Variants in HGD observed in about 807,000 individuals in gnomAD.
The protein encoded by HGD is homogentisate 1,2-dioxygenase.
Under a neutral mutation model 60.8 loss-of-function variants are expected in HGD, and 61 were observed. The ratio of observed to expected loss-of-function variants is 1.00; its 90% confidence interval spans 0.82 to 1.24. HGD has a LOEUF of 1.24. HGD is among the 50% of genes most tolerant of loss of function. HGD has a pLI of 0.00. For synonymous variants in HGD, 212 were observed against 187.7 expected (o/e 1.13, Z -1.06); for missense variants, 542 against 547.1 (o/e 0.99, Z 0.09).
chr3:120,676,440 G>C (rs1471243701), intron 1 of HGD, among the ~76,000 whole-genome samples: 1 of 119,432 alleles, frequency 8.4e-6, no homozygotes, highest in Non-Finnish European at 1.7e-5. Flanking sequence ...TTTACACCCA[G>C]AGGAAAAAAA....
chr3:120,635,752 A>G (rs972141542), intron 12 of HGD, among the ~76,000 whole-genome samples: 1 of 152,192 alleles, frequency 6.6e-6, no homozygotes, highest in African/African-American at 2.4e-5. Context: ...AGAGTCATTA[A>G]AAAACTATAG....
chr3:120,668,580 G>T (rs1707953627), intron 4 of HGD, among the ~76,000 whole-genome samples: 1 of 151,792 alleles, frequency 6.6e-6, no homozygotes, highest in African/African-American at 2.4e-5. Flanking sequence ...GAAGCCTTCA[G>T]AGTAAAAAAT....
intron 4 of HGD, among the ~76,000 whole-genome samples, chr3:120,655,110 C>A (rs963000044): frequency 1.3e-5 from 2 of 151,966 alleles, no homozygotes; most frequent in Non-Finnish European, 2.9e-5. Context: ...ACAAAACAAA[C>A]AAACAAACAA....
At chr3:120,674,068 G>C (rs564977926) in intron 3 of HGD, among the ~76,000 whole-genome samples, 9 of 152,140 alleles carry the variant, frequency 5.9e-5, no homozygotes, top group Non-Finnish European at 1.2e-4. Flanking sequence ...TATCTCATTT[G>C]CTTCTCAGAA....
intron 9 of HGD, among the ~76,000 whole-genome samples, chr3:120,645,437 A>C (rs1193647977): frequency 6.6e-6 from 1 of 152,194 alleles, no homozygotes; most frequent in Non-Finnish European, 1.5e-5. Flanking sequence ...CAAAGAGTAA[A>C]CCAAGGGCCA....
chr3:120,674,817 C>T (rs772113107), intron 3 of HGD, 84 bp downstream of exon 3: 102 of 898,906 alleles, frequency 1.1e-4, no homozygotes, highest in Non-Finnish European at 1.7e-4. Flanking sequence ...CTCTGGGAGG[C>T]TGTGGCCCAG....
At position 120,661,131 on chromosome 3, in the gene HGD, C is replaced by T. The variant is rs574988674; in HGVS notation, c.283-8480G>A. Reference sequence around the variant, plus strand: ...AACTGATGCCAACACTTTCTCAGACCCTCTTACTAACCTACACCCTGAGCC... The same window carrying T: ...AACTGATGCCAACACTTTCTCAGACTCTCTTACTAACCTACACCCTGAGCC... On this transcript the variant is annotated intron_variant, in intron 4 of 13. Coordinates refer to ENST00000283871, the MANE Select transcript of HGD (RefSeq NM_000187.4). 3.9e-5 allele frequency among the ~76,000 whole-genome samples: 6 copies of T among 152,160 alleles called. No homozygotes were observed. The East Asian group carries it at 9.6e-4, about 24-fold the overall frequency.
intron 3 of HGD, among the ~76,000 whole-genome samples, chr3:120,673,678 T>C (rs1708069757): frequency 6.6e-6 from 1 of 152,202 alleles, no homozygotes. Flanking sequence ...TGCCCAGTTC[T>C]CTTGACAGCC....
intron 4 of HGD, among the ~76,000 whole-genome samples, chr3:120,665,059 T>C (rs1707868276): frequency 6.6e-6 from 1 of 152,192 alleles, no homozygotes; most frequent in African/African-American, 2.4e-5. Context: ...TGGCTGTGAC[T>C]AGGACAGACT....
rs540141297 is a variant in HGD, at chr3:120,635,597, C to A, written c.1007-2269G>T. 5.3e-5 allele frequency among the ~76,000 whole-genome samples: 8 copies of A among 151,314 alleles called. No homozygotes were observed. The East Asian group carries it at 1.4e-3, about 26-fold the overall frequency. On this transcript the variant is annotated intron_variant, in intron 12 of 13. Transcript: ENST00000283871. Reference sequence around the variant, plus strand: ...CTCTTATAATAAAGTCACATCAAAGCAGCAAAGATTTTGAGTATTGCCAAG... The same window carrying A: ...CTCTTATAATAAAGTCACATCAAAGAAGCAAAGATTTTGAGTATTGCCAAG...
chr3:120,642,929 A>C (rs1280365233), intron 10 of HGD, among the ~76,000 whole-genome samples: 1 of 152,242 alleles, frequency 6.6e-6, no homozygotes, highest in East Asian at 1.9e-4. Flanking sequence ...GTGGGGACTC[A>C]CACAGAAAAT....
Position 120,655,623 on chromosome 3 carries a change from G to A in HGD, c.283-2972C>T, listed in dbSNP as rs143365897. 8.5e-3 allele frequency among the ~76,000 whole-genome samples: 1,302 copies of A among 152,292 alleles called. 18 individuals are homozygous for A. Among genetic ancestry groups the A allele is most frequent in the African/African-American group, 0.03 (1,238 of 41,566 alleles). ...GTGATATTTTGATAAGTGTGAGGAG[G>A]GAGATTTGAGCAGAGGATTAATAGG... On this transcript the variant is annotated intron_variant, in intron 4 of 13. Coordinates refer to ENST00000283871, the MANE Select transcript of HGD (RefSeq NM_000187.4).
chr3:120,658,843 A>C (rs990834518), intron 4 of HGD, among the ~76,000 whole-genome samples: 16 of 152,246 alleles, frequency 1.1e-4, no homozygotes, highest in Non-Finnish European at 1.0e-4. Flanking sequence ...ACCACATGGA[A>C]GCTACCAAGG....
intron 10 of HGD, 148 bp downstream of exon 10, chr3:120,644,171 A>C (rs890871070): frequency 1.1e-6 from 1 of 924,630 alleles, no homozygotes; most frequent in Non-Finnish European, 1.7e-6. Flanking sequence ...ATAATTGACT[A>C]CTAGAACTAT....
At chr3:120,637,448 ATAATAT>A (rs1940820570) in intron 12 of HGD, among the ~76,000 whole-genome samples, 1 of 152,206 alleles carries the variant, frequency 6.6e-6, no homozygotes, top group Non-Finnish European at 1.5e-5. Context: ...GCTAAGAATA[ATAATAT>A]TAATAAAATA....
intron 1 of HGD, 68 bp from the exon 2 acceptor site, chr3:120,675,931 TTTAC>T: frequency 8.5e-7 from 1 of 1,176,232 alleles, no homozygotes; most frequent in South Asian, 1.2e-5. Context: ...AAATTGGCAG[TTTAC>T]TAAGGTAAGA....
intron 4 of HGD, chr3:120,670,157 T>C (rs1233902752): frequency 2.1e-6 from 1 of 472,702 alleles, no homozygotes; most frequent in Non-Finnish European, 3.9e-6. Flanking sequence ...ATTGTAAGTT[T>C]CTTGAGGCCT....
At chr3:120,654,253 G>A in intron 4 of HGD, among the ~76,000 whole-genome samples, 1 of 152,136 alleles carries the variant, frequency 6.6e-6, no homozygotes, top group East Asian at 1.9e-4. Context: ...TTAAGTATCA[G>A]ATCAATGGTT....
chr3:120,675,865 T>C lies in HGD; in HGVS notation c.16-2A>G. ...CTCATTCCCAAATCCAGAAATGTAC[T>C]GTAGGTGACAAAGACACAAATGCCA... On this transcript the variant is annotated splice_acceptor_variant, in intron 1 of 13. Transcript: ENST00000283871. LOFTEE classifies it high-confidence loss of function. The C allele has an allele frequency of 6.2e-7, 1 of 1,612,320 alleles. No homozygotes were observed. Among genetic ancestry groups the C allele is most frequent in the Non-Finnish European group, 8.5e-7 (1 of 1,178,456 alleles).
Sources: allele counts gnomAD v4.1 joint callset (sites outside exome capture counted in the v4.1 genomes callset), GRCh38; gene constraint gnomAD v4.1.1; transcripts MANE v1.5; gene names NCBI Gene and HGNC (gene_info 2026-07-23, HGNC 2026-07-21).